The following TGFBR3 variants were observed in gnomAD, a reference collection of about 807,000 sequenced individuals.
TGFBR3 encodes transforming growth factor beta receptor 3, also known as transforming growth factor beta receptor type 3.
TGFBR3 carries 46 observed loss-of-function variants against 87.9 expected under a neutral mutation model. That is an observed-to-expected ratio of 0.52 (90% CI 0.41 to 0.67). The LOEUF is 0.67. Among genes scored for constraint, TGFBR3 ranks in the 30% least tolerant of loss-of-function variants. The probability of loss-of-function intolerance (pLI) is 0.00; values close to 1 mark genes in which losing one functional copy is unlikely to be tolerated. For missense variants in TGFBR3, 866 were observed against 1,041.9 expected, an observed-to-expected ratio of 0.83 and a Z score of 2.32; for synonymous variants, 381 against 391.6, an observed-to-expected ratio of 0.97 and a Z score of 0.32.
intron 2 of TGFBR3, among the ~76,000 whole-genome samples, chr1:91,824,252 C>T (rs2101068426): frequency 6.6e-6 from 1 of 152,304 alleles, no homozygotes; most frequent in African/African-American, 2.4e-5. Context: ...TGGAGCCAGA[C>T]TGCCAGCTCT....
At chr1:91,703,394 A>G (rs1198163961) in intron 14 of TGFBR3, among the ~76,000 whole-genome samples, 3 of 152,240 alleles carry the variant, frequency 2.0e-5, no homozygotes, top group African/African-American at 7.2e-5. Context: ...ACATTTACTG[A>G]GTATCCAAGA....
At chr1:91,875,248 G>A (rs1301267839) in intron 1 of TGFBR3, among the ~76,000 whole-genome samples, 1 of 152,174 alleles carries the variant, frequency 6.6e-6, no homozygotes, top group Non-Finnish European at 1.5e-5. Flanking sequence ...CACTGGAGGA[G>A]CTGGCAGCAG....
At chr1:91,847,495 C>T (rs1017920709) in intron 2 of TGFBR3, among the ~76,000 whole-genome samples, 2 of 149,732 alleles carry the variant, frequency 1.3e-5, no homozygotes, top group Non-Finnish European at 3.0e-5. Flanking sequence ...CCCAGCTACT[C>T]GGGAGGCTGA....
chr1:91,769,359 T>C (rs1416003545), intron 3 of TGFBR3, among the ~76,000 whole-genome samples: 1 of 152,152 alleles, frequency 6.6e-6, no homozygotes, highest in Non-Finnish European at 1.5e-5. Context: ...CATAGTCCTC[T>C]AAACATCAAG....
intron 4 of TGFBR3, among the ~76,000 whole-genome samples, chr1:91,756,037 C>G (rs1333744309): frequency 6.6e-6 from 1 of 152,150 alleles, no homozygotes. Context: ...TGATGCAGGG[C>G]CTGAGAAAAA....
chr1:91,842,115 GA>G (rs1046928359), intron 2 of TGFBR3, among the ~76,000 whole-genome samples: 8 of 151,100 alleles, frequency 5.3e-5, no homozygotes, highest in Admixed American at 4.6e-4. Flanking sequence ...AAAAAAGAAA[GA>G]AAGAAAGAAA....
At chr1:91,876,746 A>G (rs2101266272) in intron 1 of TGFBR3, among the ~76,000 whole-genome samples, 1 of 152,310 alleles carries the variant, frequency 6.6e-6, no homozygotes, top group South Asian at 2.1e-4. Flanking sequence ...GCTCTCTGAG[A>G]AACAAAAAGA....
At position 91,695,499 on chromosome 1, in the gene TGFBR3, T is replaced by C. The variant is rs1204709552; in HGVS notation, c.2437+173A>G. 1.3e-5 allele frequency: 9 copies of C among 674,036 alleles called. No homozygotes were observed. In the African/African-American group the frequency reaches 1.4e-4, roughly 11 times the overall value. The allele number at this position is 674,036 out of a possible 1,614,324, so 41.8% of individuals were successfully genotyped here. ...TAAACCTTCCTTTTCTTTCCACTGT[T>C]TATGGCAAATTATACTTTTGTGAAA... is the stretch of plus-strand genomic sequence containing the variant. On this transcript the variant is annotated intron_variant, in intron 16 of 16. Coordinates refer to ENST00000212355, the MANE Select transcript of TGFBR3 (RefSeq NM_003243.5).
intron 1 of TGFBR3, among the ~76,000 whole-genome samples, chr1:91,868,019 G>C (rs992816500): frequency 6.6e-6 from 1 of 152,176 alleles, no homozygotes; most frequent in African/African-American, 2.4e-5. Context: ...TTGGGTTCAA[G>C]CAATTCTCTT....
At chr1:91,894,396 C>T (rs1346488898) in intron 2 of TGFBR3, among the ~76,000 whole-genome samples, 1 of 152,142 alleles carries the variant, frequency 6.6e-6, no homozygotes, top group Non-Finnish European at 1.5e-5. Flanking sequence ...CCCCATCTAT[C>T]CACCTTACCC....
At chr1:91,861,048 T>A (rs1057076508) in intron 2 of TGFBR3, among the ~76,000 whole-genome samples, 1 of 149,980 alleles carries the variant, frequency 6.7e-6, no homozygotes, top group East Asian at 2.0e-4. Flanking sequence ...ATCTAGAAGA[T>A]CTATTTATTT....
chr1:91,817,540 A>C (rs1234439550), intron 2 of TGFBR3, among the ~76,000 whole-genome samples: 2 of 152,178 alleles, frequency 1.3e-5, no homozygotes, highest in East Asian at 3.9e-4. Context: ...GAAATTACTC[A>C]CTTGATTTTT....
intron 3 of TGFBR3, among the ~76,000 whole-genome samples, chr1:91,791,270 G>A (rs935408978): frequency 5.9e-5 from 9 of 152,160 alleles, no homozygotes; most frequent in Non-Finnish European, 1.2e-4. Flanking sequence ...AGGCCTGGGG[G>A]TGGGGGGAAT....
intron 14 of TGFBR3, among the ~76,000 whole-genome samples, chr1:91,699,431 C>CTTTTTTTTTTTTTTTTTT (rs60223260): frequency 7.4e-5 from 6 of 80,848 alleles, no homozygotes; most frequent in African/African-American, 1.5e-4. Context: ...CTTTCTTTTG[C>CTTTTTTTTTTTTTTTTTT]TTTTTTTTTT....
intron 2 of TGFBR3, among the ~76,000 whole-genome samples, chr1:91,800,076 A>C (rs5019497): frequency 0.52 from 78,915 of 151,180 alleles, 20,772 homozygotes; most frequent in Middle Eastern, 0.64. Context: ...TGATGAAGTG[A>C]CAGGACAGCG....
intron 14 of TGFBR3, among the ~76,000 whole-genome samples, chr1:91,699,430 G>GATT (rs1671545130): frequency 2.0e-5 from 1 of 49,830 alleles, no homozygotes; most frequent in Non-Finnish European, 3.8e-5. Context: ...TCTTTCTTTT[G>GATT]CTTTTTTTTT....
intron 2 of TGFBR3, 28 bp from the exon 3 acceptor site, chr1:91,797,499 A>C (rs1306752962): frequency 6.2e-7 from 1 of 1,613,996 alleles, no homozygotes; most frequent in Non-Finnish European, 8.5e-7. Flanking sequence ...AACACAAGCC[A>C]CTCAGAAACA....
chr1:91,806,635 G>T (rs994298283), intron 2 of TGFBR3, among the ~76,000 whole-genome samples: 1 of 152,116 alleles, frequency 6.6e-6, no homozygotes, highest in Non-Finnish European at 1.5e-5. Flanking sequence ...ATCACCCAGG[G>T]TTCTAATGAG....
chr1:91,864,591 C>T (rs1247486201), intron 1 of TGFBR3, among the ~76,000 whole-genome samples: 1 of 152,154 alleles, frequency 6.6e-6, no homozygotes, highest in Non-Finnish European at 1.5e-5. Context: ...TGTCTAATCT[C>T]CCCAGTGTGG....
Sources: gnomAD v4.1 joint callset for allele counts (sites outside exome capture counted in the v4.1 genomes callset) on GRCh38, gnomAD v4.1.1 for gene constraint, MANE v1.5 for transcripts, NCBI Gene and HGNC (gene_info 2026-07-23, HGNC 2026-07-21) for gene names.